Variants in FBN2 observed in about 807,000 individuals in gnomAD.
FBN2 encodes fibrillin 2, also known as fibrillin-2.
A neutral mutation model predicts 355.6 loss-of-function variants in FBN2; 105 were observed. That is an observed-to-expected ratio of 0.30 (90% CI 0.25 to 0.35). The LOEUF is 0.35. FBN2 is among the 10% of genes least tolerant of loss of function. The probability of loss-of-function intolerance (pLI) is 1.00; values close to 1 mark genes in which losing one functional copy is unlikely to be tolerated. For synonymous variants in FBN2, 1,350 were observed against 1,301.2 expected, an observed-to-expected ratio of 1.04 and a Z score of -0.81; for missense variants, 3,280 against 3,758.7, an observed-to-expected ratio of 0.87 and a Z score of 3.33.
chr5:128,487,099 G>T (rs573618664), intron 5 of FBN2, among the ~76,000 whole-genome samples: 1 of 152,262 alleles, frequency 6.6e-6, no homozygotes, highest in African/African-American at 2.4e-5. Flanking sequence ...CACAACATGT[G>T]ACTTTTTATG....
intron 34 of FBN2, among the ~76,000 whole-genome samples, chr5:128,320,578 A>G (rs1481547816): frequency 6.6e-6 from 1 of 152,218 alleles, no homozygotes; most frequent in African/African-American, 2.4e-5. Context: ...TTGTTGTATA[A>G]AAGAACGCAT....
chr5:128,292,431 G>A (rs993917285), intron 48 of FBN2, among the ~76,000 whole-genome samples: 1 of 152,030 alleles, frequency 6.6e-6, no homozygotes, highest in South Asian at 2.1e-4. Flanking sequence ...ACATTAGAAC[G>A]TAAGCTCCAT....
At chr5:128,467,846 G>A (rs1353479271) in intron 5 of FBN2, among the ~76,000 whole-genome samples, 2 of 152,248 alleles carry the variant, frequency 1.3e-5, no homozygotes, top group South Asian at 4.1e-4. Flanking sequence ...GTGCAACATG[G>A]CGTGTTAATT....
intron 48 of FBN2, among the ~76,000 whole-genome samples, chr5:128,295,564 T>C (rs1330573356): frequency 1.3e-4 from 18 of 140,974 alleles, no homozygotes; most frequent in Admixed American, 1.3e-3. Flanking sequence ...CCCTTGTAAG[T>C]TGGATTCCTA....
intron 11 of FBN2, among the ~76,000 whole-genome samples, chr5:128,385,663 C>T (rs1403335917): frequency 2.0e-5 from 3 of 152,108 alleles, no homozygotes; most frequent in East Asian, 1.9e-4. Context: ...ATTTACACCC[C>T]CACCAGCAGT....
chr5:128,342,473 T>C (rs1561780168), intron 25 of FBN2, among the ~76,000 whole-genome samples: 1 of 150,510 alleles, frequency 6.6e-6, no homozygotes, highest in African/African-American at 2.5e-5. Flanking sequence ...AAGAGAGGGG[T>C]GAGACTTACC....
chr5:128,478,188 G>A (rs1755055921), intron 5 of FBN2, among the ~76,000 whole-genome samples: 1 of 152,146 alleles, frequency 6.6e-6, no homozygotes, highest in Non-Finnish European at 1.5e-5. Flanking sequence ...CAACGCTGAG[G>A]GAGGTTGCAG....
chr5:128,441,453 T>C lies in FBN2; in HGVS notation c.952+5028A>G, dbSNP rs972600813. On this transcript the variant is annotated intron_variant, in intron 7 of 64. Transcript: ENST00000262464. ...CTGGCTCTTCTGTTTCTCATCCATA[T>C]AATCCTAAGAAAGTTACTTGGCCTC... 3.9e-5 allele frequency among the ~76,000 whole-genome samples: 6 copies of C among 152,206 alleles called. No individual in the cohort carries two copies. The East Asian group carries it at 9.6e-4, about 24-fold the overall frequency.
intron 2 of FBN2, among the ~76,000 whole-genome samples, chr5:128,534,278 G>C (rs963540815): frequency 6.6e-6 from 1 of 151,972 alleles, no homozygotes; most frequent in African/African-American, 2.4e-5. Flanking sequence ...TCATCAGGAA[G>C]GCCTGGAATT....
At position 128,514,024 on chromosome 5, in the gene FBN2, A is replaced by ATATG. The variant is rs1554075095; in HGVS notation, c.628+5248_628+5249insCATA. Reference sequence around the variant, plus strand: ...TCTTAACGGCCTCACAAGTGCAGAAATGTGTGTGTGTGTGTGTGTGTGCCT... The same window carrying ATATG: ...TCTTAACGGCCTCACAAGTGCAGAAATATGTGTGTGTGTGTGTGTGTGTGTGCCT... On this transcript the variant is annotated intron_variant, in intron 5 of 64. Transcript: ENST00000262464. Among the ~76,000 whole-genome samples, 590 of 87,084 alleles carry ATATG rather than the reference A, an allele frequency of 6.8e-3. 3 individuals are homozygous for ATATG. The highest frequency in any genetic ancestry group is 0.034 in the African/African-American group (285 of 8,464). 57.1% of individuals were successfully genotyped at this position (87,084 alleles called of 152,430 possible).
intron 11 of FBN2, among the ~76,000 whole-genome samples, chr5:128,380,330 A>G (rs1352436305): frequency 1.3e-5 from 2 of 152,156 alleles, no homozygotes; most frequent in Non-Finnish European, 2.9e-5. Flanking sequence ...AAATGCAACA[A>G]TTAAAAATGT....
rs146337221 is a variant in FBN2 at position 128,505,102 on chromosome 5, G to A, written c.628+14171C>T. Among the ~76,000 whole-genome samples, 1,275 of 152,216 alleles carry A rather than the reference G, an allele frequency of 8.4e-3. 23 individuals are homozygous for A. The highest frequency in any genetic ancestry group is 0.029 in the African/African-American group (1,202 of 41,498). On this transcript the variant is annotated intron_variant, in intron 5 of 64. Transcript: ENST00000262464. The stretch of plus-strand genomic sequence containing the variant: ...TTCTGCTCCTCATTTGCCTTCTGCC[G>A]TGATTGTGAGGCCTCCCAGCCATGT...
intron 11 of FBN2, among the ~76,000 whole-genome samples, chr5:128,379,329 A>G (rs2126960788): frequency 6.6e-6 from 1 of 152,274 alleles, no homozygotes; most frequent in South Asian, 2.1e-4. Context: ...TTAGTTTTAA[A>G]GAAAGAGATT....
At chr5:128,507,046 G>A (rs1032842703) in intron 5 of FBN2, among the ~76,000 whole-genome samples, 2 of 151,950 alleles carry the variant, frequency 1.3e-5, no homozygotes, top group African/African-American at 2.4e-5. Flanking sequence ...TTCTTGATAT[G>A]TCTTTTTCTG....
In FBN2 at chr5:128,344,426, T is replaced by C. The variant is rs766753498; in HGVS notation, c.3302A>G (p.Asn1101Ser). 16 of 1,613,966 alleles carry C rather than the reference T, an allele frequency of 9.9e-6. No individual in the cohort carries two copies. The highest frequency in any genetic ancestry group is 1.1e-5 in the South Asian group (1 of 91,078). ...NTIGSFKCRC[N>S]SGFALDMEER... ...CTCCATGTCTAGAGCAAAGCCACTA[T>C]TGCAACGGCATTTGAAGCTTCCGAT... Residue 1101 changes from asparagine (N) to serine (S), a missense_variant, in exon 25 of 65, where the codon AAT becomes AGT. Transcript: ENST00000262464.
Position 128,378,765 on chromosome 5 carries a change from C to A in FBN2, c.1723+6G>T. 1.2e-6 allele frequency: 2 copies of A among 1,612,784 alleles called. No homozygotes were observed. Among genetic ancestry groups the A allele is most frequent in the African/African-American group, 1.3e-5 (1 of 74,986 alleles). On this transcript the variant is annotated splice_donor_region_variant and intron_variant, in intron 12 of 64. Transcript: ENST00000262464. ...CATTTTCATATGTGAAAGCAAACTG[C>A]CTTACCAATGCATGCTTGCTTGGTA...
intron 30 of FBN2, 141 bp from the exon 31 acceptor site, chr5:128,334,985 A>C: frequency 1.7e-6 from 2 of 1,160,316 alleles, no homozygotes; most frequent in Non-Finnish European, 2.5e-6. Context: ...TGTTATAGAT[A>C]AATATACAAC....
chr5:128,460,452 T>C (rs761571340), intron 6 of FBN2, among the ~76,000 whole-genome samples: 1 of 152,180 alleles, frequency 6.6e-6, no homozygotes, highest in Non-Finnish European at 1.5e-5. Flanking sequence ...ATAGATTCAA[T>C]GCTATTCCCA....
Position 128,334,575 on chromosome 5 carries a change from T to C in FBN2, c.4099+144A>G, listed in dbSNP as rs566903983. 15 of 902,004 alleles carry C rather than the reference T, an allele frequency of 1.7e-5. No individual in the cohort carries two copies. The East Asian group carries it at 3.7e-4, about 22-fold the overall frequency. The allele number at this position is 902,004 out of a possible 1,614,324, so 55.9% of individuals were successfully genotyped here. ...GACCAGCCAAATCCATCACACATCC[T>C]ATAGGTCACACACTCATCACACACA... On this transcript the variant is annotated intron_variant, in intron 31 of 64. Coordinates refer to ENST00000262464, the MANE Select transcript of FBN2 (RefSeq NM_001999.4).
Sources: gnomAD v4.1 joint callset for allele counts (sites outside exome capture counted in the v4.1 genomes callset) on GRCh38, gnomAD v4.1.1 for gene constraint, MANE v1.5 for transcripts, NCBI Gene and HGNC (gene_info 2026-07-23, HGNC 2026-07-21) for gene names.